The following GPHN variants were observed in gnomAD, a reference collection of about 807,000 sequenced individuals.
GPHN encodes the protein gephyrin.
A neutral mutation model predicts 95.5 loss-of-function variants in GPHN; 17 were observed. That is an observed-to-expected ratio of 0.18 (90% confidence interval 0.12 to 0.27). GPHN has a LOEUF of 0.27. GPHN is among the 10% of genes least tolerant of loss of function. The pLI is 1.00. For missense variants in GPHN, 660 were observed against 978.1 expected (o/e 0.67, Z 4.34); for synonymous variants, 320 against 322.5 (o/e 0.99, Z 0.08).
the GPHN span, chr14:67,570,018 A>T: frequency 1.3e-6 from 2 of 1,555,952 alleles, no homozygotes; most frequent in Admixed American, 1.7e-5. Context: ...AGGGGGTAAG[A>T]AACTGCTGCA....
intron 2 of GPHN, among the ~76,000 whole-genome samples, chr14:66,755,268 T>C (rs1232696428): frequency 1.3e-5 from 2 of 152,138 alleles, no homozygotes; most frequent in African/African-American, 2.4e-5. Context: ...TAGCTTGACT[T>C]TACTGACTAT....
At chr14:67,112,425 T>C (rs1296339226) in intron 15 of GPHN, among the ~76,000 whole-genome samples, 1 of 152,250 alleles carries the variant, frequency 6.6e-6, no homozygotes. Flanking sequence ...TTACCCTGAT[T>C]CCATTAATAC....
At chr14:67,476,536 A>C in the GPHN span, among the ~76,000 whole-genome samples, 5 of 152,114 alleles carry the variant, frequency 3.3e-5, no homozygotes, top group African/African-American at 9.7e-5. Context: ...GCAGTGAGCC[A>C]AGATCATGCC....
rs1021770135 is a variant in GPHN at position 67,098,639 on chromosome 14, G to A, written c.1238-2217G>A. On this transcript the variant is annotated intron_variant, in intron 12 of 22. Transcript: ENST00000478722. ...AGCCTGACCAATATGATGAAACCCC[G>A]TCTCTACTAAAAAAATAAAATAAAA... 2.6e-5 allele frequency among the ~76,000 whole-genome samples: 4 copies of A among 151,858 alleles called. No individual in the cohort carries two copies. In the East Asian group the frequency reaches 5.8e-4, roughly 22 times the overall value.
chr14:67,094,581 T>C (rs2077274956), intron 12 of GPHN, among the ~76,000 whole-genome samples: 1 of 152,168 alleles, frequency 6.6e-6, no homozygotes, highest in East Asian at 1.9e-4. Flanking sequence ...AAGCTCTAGG[T>C]TCATGTGCTA....
intron 9 of GPHN, among the ~76,000 whole-genome samples, chr14:67,013,989 C>T (rs1251235626): frequency 6.6e-6 from 1 of 151,884 alleles, no homozygotes; most frequent in Admixed American, 6.6e-5. Flanking sequence ...TCCTTGGCCT[C>T]TATTTTTTAG....
the GPHN span, among the ~76,000 whole-genome samples, chr14:67,196,479 C>CT: frequency 6.6e-6 from 1 of 152,330 alleles, no homozygotes; most frequent in East Asian, 1.9e-4. Context: ...GCCTTGGCCT[C>CT]TTAAAGTGCT....
At chr14:67,234,980 AC>A in the GPHN span, among the ~76,000 whole-genome samples, 1 of 149,638 alleles carries the variant, frequency 6.7e-6, no homozygotes, top group South Asian at 2.2e-4. Context: ...ACATGGCAAA[AC>A]CCTGCCTCTA....
chr14:67,084,262 G>A (rs753675612), intron 11 of GPHN, among the ~76,000 whole-genome samples: 2 of 152,154 alleles, frequency 1.3e-5, no homozygotes, highest in Non-Finnish European at 2.9e-5. Context: ...CCTTTCAAGA[G>A]ACTTAAATTA....
chr14:67,126,199 A>G (rs919515452), intron 17 of GPHN, among the ~76,000 whole-genome samples: 1 of 152,180 alleles, frequency 6.6e-6, no homozygotes, highest in Non-Finnish European at 1.5e-5. Flanking sequence ...TGGAGTTCCT[A>G]TAGTCTTTTT....
At chr14:66,541,499 C>T (rs956687989) in intron 1 of GPHN, among the ~76,000 whole-genome samples, 44 of 152,064 alleles carry the variant, frequency 2.9e-4, no homozygotes, top group African/African-American at 1.1e-3. Flanking sequence ...AACAAAAATA[C>T]CTATGAAGAA....
intron 9 of GPHN, among the ~76,000 whole-genome samples, chr14:66,989,092 G>A (rs1231348903): frequency 6.6e-6 from 1 of 151,822 alleles, no homozygotes; most frequent in African/African-American, 2.4e-5. Flanking sequence ...TTAATAAGTT[G>A]TTAATTCTAA....
intron 5 of GPHN, among the ~76,000 whole-genome samples, chr14:66,908,936 G>A (rs1198250652): frequency 6.6e-6 from 1 of 151,572 alleles, no homozygotes; most frequent in Non-Finnish European, 1.5e-5. Context: ...GCCAAGAAAA[G>A]CATAAGGAGA....
chr14:66,610,115 T>G (rs1051931235), intron 1 of GPHN, among the ~76,000 whole-genome samples: 3 of 152,134 alleles, frequency 2.0e-5, no homozygotes, highest in Non-Finnish European at 2.9e-5. Context: ...TTTCTAAGTG[T>G]TTTCAGAGGG....
chr14:66,554,142 C>T (rs1452811419), intron 1 of GPHN, among the ~76,000 whole-genome samples: 2 of 152,000 alleles, frequency 1.3e-5, no homozygotes, highest in Non-Finnish European at 2.9e-5. Flanking sequence ...TCTGAACCTT[C>T]TGTGGGTTTT....
At chr14:67,578,324 C>A in the GPHN span, 1 of 837,642 alleles carries the variant, frequency 1.2e-6, no homozygotes, top group Non-Finnish European at 1.9e-6. This position sits in a 1 kb window ranked among gnomAD's most constrained non-coding sequence, Gnocchi z 5.0. Context: ...CTCTGTGCTC[C>A]AAGCTGCATC....
At chr14:67,387,485 A>T in the GPHN span, 2 of 1,595,852 alleles carry the variant, frequency 1.3e-6, no homozygotes, top group Non-Finnish European at 1.7e-6. Context: ...GAAAAAAATC[A>T]GTGATTGAAT....
chr14:67,667,716 G>A, the GPHN span, among the ~76,000 whole-genome samples: 1 of 152,090 alleles, frequency 6.6e-6, no homozygotes, highest in Non-Finnish European at 1.5e-5. Flanking sequence ...AGGCCGAGGC[G>A]GGCGGATCAC....
At chr14:66,983,671 T>TGG in intron 9 of GPHN, among the ~76,000 whole-genome samples, 1 of 152,214 alleles carries the variant, frequency 6.6e-6, no homozygotes, top group Non-Finnish European at 1.5e-5. Context: ...TCTATATAAA[T>TGG]CAGTCTTATA....
Sources: gnomAD v4.1 joint callset for allele counts (sites outside exome capture counted in the v4.1 genomes callset) on GRCh38, gnomAD v4.1.1 for gene constraint, Gnocchi (gnomAD v3.1) non-coding constraint, MANE v1.5 for transcripts, NCBI Gene and HGNC (gene_info 2026-07-23, HGNC 2026-07-21) for gene names.